Variants in OASL observed in about 807,000 individuals in gnomAD.
The protein encoded by OASL is 2'-5'-oligoadenylate synthetase like.
Under a neutral mutation model 35.3 loss-of-function variants are expected in OASL, and 28 were observed. The ratio of observed to expected loss-of-function variants is 0.79; its 90% CI spans 0.59 to 1.09. The LOEUF (loss-of-function observed/expected upper bound fraction) is 1.09, where lower values mean the gene tolerates loss of function less well. Among genes scored for constraint, OASL ranks in the 50% least tolerant of loss-of-function variants. The probability of loss-of-function intolerance (pLI) is 0.00; values close to 1 mark genes in which losing one functional copy is unlikely to be tolerated. For missense variants in OASL, 620 were observed against 635.2 expected (o/e 0.98, Z 0.26); for synonymous variants, 252 against 254.6 (o/e 0.99, Z 0.10).
exon 4 of OASL, chr12:121,027,677 C>T: frequency 6.2e-7 from 1 of 1,614,208 alleles, no homozygotes. Flanking sequence ...ACTCCAGGAG[C>T]AGGTCCATCA....
chr12:121,038,726 T>G (rs1219285923), intron 1 of OASL, 48 bp downstream of exon 1: 1 of 1,594,090 alleles, frequency 6.3e-7, no homozygotes, highest in Non-Finnish European at 8.6e-7. Context: ...ACGTGGACTC[T>G]GATACTGGGT....
chr12:121,027,842 A>G (rs779421765), intron 3 of OASL, 25 bp from the exon 4 acceptor site: 1 of 1,591,236 alleles, frequency 6.3e-7, no homozygotes, highest in Non-Finnish European at 8.6e-7. Flanking sequence ...GGGAAGACAG[A>G]GAGAGAGAGA....
intron 5 of OASL, among the ~76,000 whole-genome samples, chr12:121,023,580 G>T (rs747735622): frequency 6.6e-6 from 1 of 152,022 alleles, no homozygotes; most frequent in Non-Finnish European, 1.5e-5. Flanking sequence ...GTGAACCACC[G>T]CACCTGGCCG....
intron 5 of OASL, chr12:121,023,673 C>A: frequency 3.8e-6 from 1 of 263,696 alleles, no homozygotes; most frequent in Non-Finnish European, 7.5e-6. Flanking sequence ...ACAGCACTGG[C>A]ACAGAATGGC....
At chr12:121,039,061 C>T in exon 1 of OASL, 1 of 1,074,466 alleles carries the variant, frequency 9.3e-7, no homozygotes, top group Non-Finnish European at 1.4e-6. Context: ...AAGGTAGCTC[C>T]TCCTCAGCTG....
chr12:121,033,585 C>T lies in OASL; in HGVS notation c.357G>A (p.Leu119=), dbSNP rs374804957. 16 of 1,614,206 alleles carry T rather than the reference C, an allele frequency of 9.9e-6. No homozygotes were observed. In the African/African-American group the frequency reaches 2.0e-4, roughly 20 times the overall value. ...TCCTCAGGTCCTCGAGCCCGAGGTC[C>T]AGCAGGTCCTGGCTTTGCCACATGG... Residue 119 remains leucine (L), a synonymous_variant, in exon 2 of 6, where the codon CTG becomes CTA. Coordinates refer to ENST00000257570, the Ensembl canonical transcript of OASL.
chr12:121,032,310 C>A (rs1325275555), intron 2 of OASL, among the ~76,000 whole-genome samples: 2 of 152,120 alleles, frequency 1.3e-5, no homozygotes, highest in South Asian at 2.1e-4. Flanking sequence ...TCTCTTATAC[C>A]TTCTCCAAAG....
chr12:121,026,783 C>A (rs1285756162), intron 4 of OASL, among the ~76,000 whole-genome samples: 2 of 151,430 alleles, frequency 1.3e-5, no homozygotes, highest in Non-Finnish European at 2.9e-5. Context: ...ACCCAGGAGG[C>A]AGAGGTTGCA....
chr12:121,038,593 G>C (rs1870047272), intron 1 of OASL, among the ~76,000 whole-genome samples, 181 bp downstream of exon 1: 1 of 152,198 alleles, frequency 6.6e-6, no homozygotes, highest in African/African-American at 2.4e-5. Context: ...ATTATTACTA[G>C]ACTCATTCTA....
intron 5 of OASL, among the ~76,000 whole-genome samples, chr12:121,022,963 A>G (rs943888729): frequency 6.6e-6 from 1 of 152,138 alleles, no homozygotes; most frequent in Non-Finnish European, 1.5e-5. Context: ...TAATGATGAT[A>G]ATAATAATAA....
chr12:121,023,276 C>CTTT (rs200607939), intron 5 of OASL, among the ~76,000 whole-genome samples: 3 of 115,542 alleles, frequency 2.6e-5, no homozygotes, highest in Non-Finnish European at 3.7e-5. Flanking sequence ...AGGGTGGTGT[C>CTTT]TTTTTTTTTT....
chr12:121,021,178 G>A (rs1486209406), intron 5 of OASL, 120 bp from the exon 6 acceptor site: 110 of 1,044,390 alleles, frequency 1.1e-4, no homozygotes, highest in Non-Finnish European at 1.4e-4. Flanking sequence ...AGCAGCAAAT[G>A]TTTAGGGAGT....
At chr12:121,036,524 C>T (rs1195653206) in intron 1 of OASL, among the ~76,000 whole-genome samples, 1 of 152,038 alleles carries the variant, frequency 6.6e-6, no homozygotes, top group Non-Finnish European at 1.5e-5. Context: ...TGGTTCACAC[C>T]TGTAATCCCA....
intron 1 of OASL, among the ~76,000 whole-genome samples, chr12:121,036,102 A>C (rs760872432): frequency 6.6e-6 from 1 of 152,046 alleles, no homozygotes; most frequent in Non-Finnish European, 1.5e-5. Flanking sequence ...GGCTCAAGCA[A>C]TCCTCCCACC....
chr12:121,025,448 G>T (rs1425778482), intron 4 of OASL, among the ~76,000 whole-genome samples: 2 of 152,138 alleles, frequency 1.3e-5, no homozygotes, highest in African/African-American at 4.8e-5. Flanking sequence ...TTAACTTGGG[G>T]TGACTGCAAG....
In OASL at chr12:121,024,737, G is replaced by T. The variant is rs75429583; in HGVS notation, c.900-600C>A. Among the ~76,000 whole-genome samples, 565 of 152,226 alleles carry T rather than the reference G, an allele frequency of 3.7e-3. 6 individuals carry two copies. The highest frequency in any genetic ancestry group is 0.013 in the African/African-American group (536 of 41,532). On this transcript the variant is annotated intron_variant, in intron 4 of 5. Transcript: ENST00000257570. The stretch of plus-strand genomic sequence containing the variant: ...AACAGATGCCCTTTCAGGCAGGGGG[G>T]GCCCTGTACCTTCGGAGCAGGTTTT...
At chr12:121,026,360 T>C (rs1231570434) in intron 4 of OASL, among the ~76,000 whole-genome samples, 1 of 152,210 alleles carries the variant, frequency 6.6e-6, no homozygotes, top group Non-Finnish European at 1.5e-5. Flanking sequence ...GGCCCAGAGC[T>C]TCTAACACAG....
chr12:121,024,011 G>A, exon 5 of OASL: 1 of 1,614,158 alleles, frequency 6.2e-7, no homozygotes, highest in Non-Finnish European at 8.5e-7. Flanking sequence ...AGCTGGAGAT[G>A]GGGTTCTCCC....
intron 3 of OASL, among the ~76,000 whole-genome samples, chr12:121,028,480 T>C (rs947827757): frequency 3.3e-5 from 5 of 152,210 alleles, no homozygotes; most frequent in African/African-American, 1.2e-4. Flanking sequence ...TGTGTGAATA[T>C]GAGGGCAGGA....
Sources: gnomAD v4.1 joint callset for allele counts (sites outside exome capture counted in the v4.1 genomes callset) on GRCh38, gnomAD v4.1.1 for gene constraint, MANE v1.5 for transcripts, NCBI Gene and HGNC (gene_info 2026-07-23, HGNC 2026-07-21) for gene names.